DHDDS: variants seen among roughly 807,000 people sequenced by gnomAD.
DHDDS encodes dehydrodolichyl diphosphate synthase complex subunit DHDDS.
Under a neutral mutation model 46.2 loss-of-function variants are expected in DHDDS, and 16 were observed. The observed-to-expected ratio is 0.35, with a 90% CI of 0.23 to 0.53. The LOEUF (loss-of-function observed/expected upper bound fraction) is 0.53, where lower values mean the gene tolerates loss of function less well. Ranked by LOEUF, DHDDS falls within the 20% of genes least tolerant of loss-of-function variation. The pLI is 0.94. For missense variants in DHDDS, 340 were observed against 423.7 expected (o/e 0.80, Z 1.73); for synonymous variants, 151 against 163.1 (o/e 0.93, Z 0.56).
intron 8 of DHDDS, among the ~76,000 whole-genome samples, chr1:26,461,080 G>GC (rs2075417547): frequency 6.6e-6 from 1 of 152,080 alleles, no homozygotes. Context: ...CACCATGTTG[G>GC]CCAGGCTGGT....
intron 6 of DHDDS, among the ~76,000 whole-genome samples, chr1:26,457,073 G>A (rs1033292724): frequency 6.6e-6 from 1 of 152,146 alleles, no homozygotes; most frequent in Non-Finnish European, 1.5e-5. Context: ...TTTTGTGGGT[G>A]CATCTGGTTT....
intron 8 of DHDDS, chr1:26,467,402 T>C (rs909962583): frequency 8.6e-6 from 4 of 465,796 alleles, no homozygotes; most frequent in South Asian, 4.7e-5. Context: ...ATGTAATTCA[T>C]TGTAATAGCA....
intron 6 of DHDDS, among the ~76,000 whole-genome samples, chr1:26,457,087 G>A (rs2075376359): frequency 6.6e-6 from 1 of 152,098 alleles, no homozygotes. Flanking sequence ...CTGGTTTTAG[G>A]CCTGAGGCTA....
chr1:26,455,162 T>G, intron 6 of DHDDS: 1 of 769,970 alleles, frequency 1.3e-6, no homozygotes. Flanking sequence ...CATGAGGTTC[T>G]CCGGGTTAAG....
At chr1:26,436,752 A>T (rs572102996) in intron 2 of DHDDS, among the ~76,000 whole-genome samples, 4 of 152,010 alleles carry the variant, frequency 2.6e-5, no homozygotes, top group African/African-American at 9.6e-5. Context: ...AAGAAAAAAA[A>T]TTTTTTCCTT....
intron 8 of DHDDS, among the ~76,000 whole-genome samples, chr1:26,463,154 A>G (rs1208085001): frequency 1.3e-5 from 2 of 152,204 alleles, no homozygotes; most frequent in Non-Finnish European, 2.9e-5. Flanking sequence ...TGCATTTTGT[A>G]AAAATCATTC....
chr1:26,449,289 C>CG (rs964291157), intron 6 of DHDDS, among the ~76,000 whole-genome samples: 21 of 151,674 alleles, frequency 1.4e-4, no homozygotes, highest in African/African-American at 4.6e-4. Context: ...TTAGTAGAGA[C>CG]GGGGTTTCAC....
intron 6 of DHDDS, among the ~76,000 whole-genome samples, chr1:26,451,431 T>C (rs2075318721): frequency 6.6e-6 from 1 of 150,750 alleles, no homozygotes; most frequent in African/African-American, 2.5e-5. Context: ...TGTGTGTGTG[T>C]GTGTGTGTGT....
At chr1:26,444,920 G>A (rs1057151584) in intron 4 of DHDDS, among the ~76,000 whole-genome samples, 1 of 152,196 alleles carries the variant, frequency 6.6e-6, no homozygotes, top group Non-Finnish European at 1.5e-5. Context: ...TTTTCCAAAT[G>A]TGAAGCATTC....
chr1:26,458,687 G>A lies in DHDDS; in HGVS notation c.657+782G>A, dbSNP rs1437852127. On this transcript the variant is annotated intron_variant, in intron 7 of 8. Coordinates refer to ENST00000236342, the MANE Select transcript of DHDDS (RefSeq NM_205861.3). Reference sequence around the variant, plus strand: ...TAGGAGGCAGAGGTTGCAGTGAGGCGAGATCGTGCCACTGCACTCCAGCCT... The same window carrying A: ...TAGGAGGCAGAGGTTGCAGTGAGGCAAGATCGTGCCACTGCACTCCAGCCT... 3.4e-5 allele frequency among the ~76,000 whole-genome samples: 5 copies of A among 145,866 alleles called. No individual in the cohort carries two copies. In the East Asian group the frequency reaches 1.0e-3, roughly 29 times the overall value.
At chr1:26,446,615 T>G (rs376148825) in intron 5 of DHDDS, among the ~76,000 whole-genome samples, 183 bp downstream of exon 5, 29 of 152,256 alleles carry the variant, frequency 1.9e-4, no homozygotes, top group African/African-American at 6.3e-4. Context: ...CAATAACATG[T>G]TATATGTGTG....
chr1:26,467,093 T>G, intron 8 of DHDDS: 1 of 258,444 alleles, frequency 3.9e-6, no homozygotes. Flanking sequence ...GCTCAAATTC[T>G]GTCTGTCCAT....
rs2075530189 is a variant in DHDDS, at chr1:26,469,439, T to A, written c.*308T>A. On this transcript the variant is annotated 3_prime_UTR_variant, in exon 9 of 9. Coordinates refer to ENST00000236342, the MANE Select transcript of DHDDS (RefSeq NM_205861.3). The stretch of plus-strand genomic sequence containing the variant: ...CTGTCTCTTAGATGCACTTTCTTTT[T>A]CCACCAGCACATCCTTCAACACACA... 2.1e-6 allele frequency: 1 copy of A among 482,192 alleles called. No homozygotes were observed. Among genetic ancestry groups the A allele is most frequent in the Admixed American group, 3.3e-5 (1 of 30,204 alleles). The allele number at this position is 482,192 out of a possible 1,614,324, so 29.9% of individuals were successfully genotyped here.
At chr1:26,447,235 G>A (rs1021050279) in intron 5 of DHDDS, among the ~76,000 whole-genome samples, 2 of 151,996 alleles carry the variant, frequency 1.3e-5, no homozygotes, top group Admixed American at 6.6e-5. Flanking sequence ...CAGAAGAATC[G>A]CTTGAACCCA....
chr1:26,468,444 C>A (rs2075515599), intron 8 of DHDDS, among the ~76,000 whole-genome samples: 1 of 152,152 alleles, frequency 6.6e-6, no homozygotes, highest in South Asian at 2.1e-4. Context: ...CTGTTTCTGT[C>A]TAAGAGCCTG....
intron 2 of DHDDS, 137 bp from the exon 3 acceptor site, chr1:26,438,031 T>C: frequency 2.3e-6 from 2 of 857,202 alleles, no homozygotes; most frequent in Non-Finnish European, 3.9e-6. Flanking sequence ...TTTTACTGAG[T>C]TAAAAGCACA....
chr1:26,455,165 G>A (rs758989816), intron 6 of DHDDS: 86 of 767,056 alleles, frequency 1.1e-4, no homozygotes, highest in Non-Finnish European at 1.5e-4. Flanking sequence ...GAGGTTCTCC[G>A]GGTTAAGTGA....
At chr1:26,462,818 G>A (rs1465107854) in intron 8 of DHDDS, 2 of 152,226 alleles carry the variant, frequency 1.3e-5, no homozygotes, top group Non-Finnish European at 2.9e-5. Context: ...AGGCACAGGA[G>A]AGTCAACAGG....
intron 6 of DHDDS, among the ~76,000 whole-genome samples, chr1:26,450,087 A>G (rs1340689808): frequency 6.6e-6 from 1 of 152,166 alleles, no homozygotes; most frequent in East Asian, 1.9e-4. Flanking sequence ...GCCAGTATGG[A>G]AGCCATCTGT....
Sources: allele counts gnomAD v4.1 joint callset (sites outside exome capture counted in the v4.1 genomes callset), GRCh38; gene constraint gnomAD v4.1.1; transcripts MANE v1.5; gene names NCBI Gene and HGNC (gene_info 2026-07-23, HGNC 2026-07-21).